Variants in TMEFF2 observed in about 807,000 individuals in gnomAD.
TMEFF2 encodes tomoregulin-2.
TMEFF2 carries 28 observed loss-of-function variants against 53.8 expected under a neutral mutation model. That is an observed-to-expected ratio of 0.52 (90% CI 0.39 to 0.71). The LOEUF (loss-of-function observed/expected upper bound fraction) is 0.71, where lower values mean the gene tolerates loss of function less well. Among genes scored for constraint, TMEFF2 ranks in the 30% least tolerant of loss-of-function variants. The pLI, the probability that TMEFF2 is intolerant of heterozygous loss-of-function variation, is 0.00. For missense variants in TMEFF2, 353 were observed against 455.2 expected, an observed-to-expected ratio of 0.78 and a Z score of 2.04; for synonymous variants, 162 against 166.3, an observed-to-expected ratio of 0.97 and a Z score of 0.20.
At chr2:191,963,574 G>GA (rs1441018579) in intron 7 of TMEFF2, among the ~76,000 whole-genome samples, 1 of 152,206 alleles carries the variant, frequency 6.6e-6, no homozygotes, top group East Asian at 1.9e-4. Flanking sequence ...GGCAGAGAGT[G>GA]AAGAGGATTG....
At chr2:192,002,014 A>G (rs1574281389) in intron 5 of TMEFF2, among the ~76,000 whole-genome samples, 1 of 128,546 alleles carries the variant, frequency 7.8e-6, no homozygotes, top group Non-Finnish European at 1.5e-5. Flanking sequence ...CAATTGGTGT[A>G]TTTATTTATT....
intron 5 of TMEFF2, among the ~76,000 whole-genome samples, chr2:192,045,926 G>A (rs1384652898): frequency 6.6e-6 from 1 of 152,206 alleles, no homozygotes; most frequent in East Asian, 1.9e-4. Context: ...CTTACGGAAT[G>A]CTTTATCCAC....
chr2:192,015,308 C>CTTTTTTTTTT lies in TMEFF2; in HGVS notation c.537-16110_537-16101dup, dbSNP rs34696715. Among the ~76,000 whole-genome samples the CTTTTTTTTTT allele has an allele frequency of 3.9e-4, 30 of 76,272 alleles. 1 individual carries two copies. Among genetic ancestry groups the CTTTTTTTTTT allele is most frequent in the African/African-American group, 5.0e-4 (9 of 18,100 alleles). The allele number at this position is 76,272 out of a possible 152,430, so 50.0% of individuals were successfully genotyped here. On this transcript the variant is annotated intron_variant, in intron 5 of 9. Transcript: ENST00000272771. Reference sequence around the variant, plus strand: ...GGCATTCTAGAGGCTATCACTGAAGCTTTTTTTTTTTTTTTTTTTTTTTTG... The same window carrying CTTTTTTTTTT: ...GGCATTCTAGAGGCTATCACTGAAGCTTTTTTTTTTTTTTTTTTTTTTTTTTTTTTTTTTG...
intron 4 of TMEFF2, among the ~76,000 whole-genome samples, chr2:192,060,792 C>A (rs1688026100): frequency 6.6e-6 from 1 of 152,122 alleles, no homozygotes; most frequent in South Asian, 2.1e-4. Context: ...AAAGTATTAT[C>A]TTAACCATGC....
At chr2:192,063,733 G>A (rs1462026582) in intron 4 of TMEFF2, among the ~76,000 whole-genome samples, 2 of 151,764 alleles carry the variant, frequency 1.3e-5, no homozygotes, top group Non-Finnish European at 3.0e-5. Flanking sequence ...TGGGAGCTTT[G>A]TATTGGGGGT....
At chr2:192,160,283 G>A (rs541986688) in intron 4 of TMEFF2, among the ~76,000 whole-genome samples, 47 of 152,188 alleles carry the variant, frequency 3.1e-4, no homozygotes, top group South Asian at 1.7e-3. Context: ...TCAACATTTG[G>A]TTTGGCAGAA....
chr2:192,117,992 T>A (rs1689456462), intron 4 of TMEFF2, among the ~76,000 whole-genome samples: 1 of 151,448 alleles, frequency 6.6e-6, no homozygotes, highest in Non-Finnish European at 1.5e-5. Flanking sequence ...TTTGTGGGCT[T>A]TACCTAATTC....
At chr2:192,171,751 C>T (rs139507357) in intron 4 of TMEFF2, among the ~76,000 whole-genome samples, 158 of 152,040 alleles carry the variant, frequency 1.0e-3, no homozygotes, top group Middle Eastern at 6.8e-3. Flanking sequence ...CCAAGGCATT[C>T]CTGATCACCC....
intron 5 of TMEFF2, among the ~76,000 whole-genome samples, chr2:192,055,476 A>C (rs902724896): frequency 5.9e-5 from 9 of 152,100 alleles, no homozygotes; most frequent in African/African-American, 2.2e-4. Flanking sequence ...ATGTTTTTTA[A>C]AAACCATACA....
rs183483663 is a variant in TMEFF2 at position 191,954,751 on chromosome 2, C to T, written c.870-914G>A. Among the ~76,000 whole-genome samples the T allele has an allele frequency of 2.1e-4, 32 of 152,212 alleles. No individual in the cohort carries two copies. The South Asian group carries it at 5.4e-3, about 26-fold the overall frequency. ...GGCAACATAGTTCTGCAAAACAAGACGAGGTATTGTTCATCTGAGAATGAA... is the reference window on the plus strand; with the variant it reads ...GGCAACATAGTTCTGCAAAACAAGATGAGGTATTGTTCATCTGAGAATGAA... On this transcript the variant is annotated intron_variant, in intron 8 of 9. Transcript: ENST00000272771.
intron 7 of TMEFF2, among the ~76,000 whole-genome samples, chr2:191,974,385 T>C (rs1023905405): frequency 6.6e-6 from 1 of 152,162 alleles, no homozygotes; most frequent in African/African-American, 2.4e-5. Flanking sequence ...ATACTGTATA[T>C]CATTCAATAT....
intron 4 of TMEFF2, among the ~76,000 whole-genome samples, chr2:192,102,891 C>T (rs1170432037): frequency 6.6e-6 from 1 of 151,802 alleles, no homozygotes; most frequent in Non-Finnish European, 1.5e-5. Context: ...CTTTCTTGAC[C>T]ATCCTATTGA....
intron 4 of TMEFF2, among the ~76,000 whole-genome samples, chr2:192,165,051 C>CA (rs1690729006): frequency 6.7e-6 from 1 of 150,264 alleles, no homozygotes; most frequent in South Asian, 2.1e-4. Flanking sequence ...ACTAGCAAGC[C>CA]AAAGACACAT....
At chr2:192,050,060 A>G (rs1687730029) in intron 5 of TMEFF2, among the ~76,000 whole-genome samples, 1 of 152,206 alleles carries the variant, frequency 6.6e-6, no homozygotes, top group African/African-American at 2.4e-5. Context: ...CTGTTAAGTT[A>G]GTGGTAGAAA....
intron 7 of TMEFF2, among the ~76,000 whole-genome samples, chr2:191,996,887 G>T (rs993492557): frequency 6.6e-6 from 1 of 151,666 alleles, no homozygotes; most frequent in African/African-American, 2.4e-5. Context: ...GGTGTTACTG[G>T]GCTTGAATGA....
At chr2:191,962,328 T>C (rs957360726) in intron 7 of TMEFF2, among the ~76,000 whole-genome samples, 3 of 152,208 alleles carry the variant, frequency 2.0e-5, no homozygotes, top group Non-Finnish European at 4.4e-5. Context: ...AAATGTGAAA[T>C]GTGATTATCC....
chr2:192,126,796 CCTT>C (rs1689688374), intron 4 of TMEFF2, among the ~76,000 whole-genome samples: 1 of 152,212 alleles, frequency 6.6e-6, no homozygotes, highest in East Asian at 1.9e-4. Context: ...CAAAACCTGT[CCTT>C]CTTCACTACG....
intron 4 of TMEFF2, among the ~76,000 whole-genome samples, chr2:192,167,439 C>G (rs1690795921): frequency 6.6e-6 from 1 of 152,064 alleles, no homozygotes; most frequent in South Asian, 2.1e-4. Context: ...AAAACTAATA[C>G]AGCCTACCCA....
chr2:192,150,561 C>G (rs1000377594), intron 4 of TMEFF2, among the ~76,000 whole-genome samples: 4 of 151,812 alleles, frequency 2.6e-5, no homozygotes, highest in East Asian at 3.9e-4. Context: ...AGGCCCTGCA[C>G]TACATCCTAT....
Sources: allele counts gnomAD v4.1 joint callset (sites outside exome capture counted in the v4.1 genomes callset), GRCh38; gene constraint gnomAD v4.1.1; transcripts MANE v1.5; gene names NCBI Gene and HGNC (gene_info 2026-07-23, HGNC 2026-07-21).